POTEC: variants seen among roughly 807,000 people sequenced by gnomAD.
The protein encoded by POTEC is ANKRD26-like family B member 2.
Under a neutral mutation model 62.0 loss-of-function variants are expected in POTEC, and 35 were observed. That is an observed-to-expected ratio of 0.56 (90% CI 0.43 to 0.75). The LOEUF is 0.75. Ranked by LOEUF, POTEC falls within the 30% of genes least tolerant of loss-of-function variation. The probability of loss-of-function intolerance (pLI) is 0.00; values close to 1 mark genes in which losing one functional copy is unlikely to be tolerated. For synonymous variants in POTEC, 156 were observed against 221.5 expected, an observed-to-expected ratio of 0.70 and a Z score of 2.62; for missense variants, 472 against 655.9, an observed-to-expected ratio of 0.72 and a Z score of 3.06.
Position 14,513,684 on chromosome 18 carries a change from G to T in POTEC, c.1511C>A (p.Ala504Asp), listed in dbSNP as rs1338116512. The stretch of plus-strand genomic sequence containing the variant: ...TACCTCAGAATTCATTTTCTTTTCA[G>T]CCACTTCTATCTGCTTTTGTTTATT... Reference protein sequence around the residue: ...LTNKQKQIEVAEKKMNSELSL... With the variant: ...LTNKQKQIEVDEKKMNSELSL... Residue 504 changes from alanine (A) to aspartate (D), a missense_variant, in exon 10 of 11, where the codon GCT becomes GAT. Ala to Asp is a moderately radical substitution (Grantham distance 126, BLOSUM62 -2). This residue lies in a region of POTEC where 67 missense variants were observed against 58.3 expected (regional missense o/e 1.15). Transcript: ENST00000358970. 6.2e-7 allele frequency: 1 copy of T among 1,611,588 alleles called. No individual in the cohort carries two copies.
rs1909966124 is a variant in POTEC at position 14,510,243 on chromosome 18, C to T, written c.*1655G>A. On this transcript the variant is annotated 3_prime_UTR_variant, in exon 11 of 11. Coordinates refer to ENST00000358970, the MANE Select transcript of POTEC (RefSeq NM_001137671.2). ...TGGACTGACTTGTTCCTTGTGTCAA[C>T]TGCAGCTTGTTGGAGGTGTCAATAT... 2 of 152,218 alleles carry T rather than the reference C, an allele frequency of 1.3e-5. No homozygotes were observed. The highest frequency in any genetic ancestry group is 2.4e-5 in the African/African-American group (1 of 41,452). The allele number at this position is 152,218 out of a possible 1,614,324, so 9.4% of individuals were successfully genotyped here. A position where few individuals can be genotyped will look rare whatever the true frequency, so the allele number is the denominator to read the frequency against.
intron 9 of POTEC, among the ~76,000 whole-genome samples, 166 bp downstream of exon 9, chr18:14,522,088 G>GA (rs58895697): frequency 0.036 from 5,513 of 152,102 alleles, 354 homozygotes; most frequent in African/African-American, 0.13. Flanking sequence ...TTAATGACTG[G>GA]AAAAAACAGT....
Position 14,543,366 on chromosome 18 carries a change from G to A in POTEC, c.-220C>T. Reference sequence around the variant, plus strand: ...CCCACGCCCACCAGGGGGACCCAACGCCCACCCCAGGAAAGGCCAAGCCCC... The same window carrying A: ...CCCACGCCCACCAGGGGGACCCAACACCCACCCCAGGAAAGGCCAAGCCCC... On this transcript the variant is annotated 5_prime_UTR_variant, in exon 1 of 11. Coordinates refer to ENST00000358970, the MANE Select transcript of POTEC (RefSeq NM_001137671.2). 2.7e-6 allele frequency: 2 copies of A among 747,312 alleles called. No individual in the cohort carries two copies. The highest frequency in any genetic ancestry group is 3.0e-5 in the Admixed American group (1 of 33,894). 46.3% of individuals were successfully genotyped at this position (747,312 alleles called of 1,614,324 possible).
At chr18:14,536,481 C>A (rs2143160287) in intron 3 of POTEC, among the ~76,000 whole-genome samples, 1 of 152,050 alleles carries the variant, frequency 6.6e-6, no homozygotes, top group African/African-American at 2.4e-5. Context: ...AATCCTCCCA[C>A]CTCAGCCTCC....
rs1207667008 is a variant in POTEC, at chr18:14,508,656, T to G, written c.*3242A>C. On this transcript the variant is annotated 3_prime_UTR_variant, in exon 11 of 11. Transcript: ENST00000358970. The stretch of plus-strand genomic sequence containing the variant: ...TGATTTTTAGCTTCCTTGTATTGGA[T>G]TACAACATACTTCTTTCACTCAATG... 2 of 152,648 alleles carry G rather than the reference T, an allele frequency of 1.3e-5. No individual in the cohort carries two copies. The highest frequency in any genetic ancestry group is 2.9e-5 in the Non-Finnish European group (2 of 68,038). The allele number at this position is 152,648 out of a possible 1,614,324, so 9.5% of individuals were successfully genotyped here. A position where few individuals can be genotyped will look rare whatever the true frequency, so the allele number is the denominator to read the frequency against.
At position 14,507,622 on chromosome 18, in the gene POTEC, G is replaced by A. The variant is rs1264968878; in HGVS notation, c.*4276C>T. On this transcript the variant is annotated 3_prime_UTR_variant, in exon 11 of 11. Coordinates refer to ENST00000358970, the MANE Select transcript of POTEC (RefSeq NM_001137671.2). ...TGTGTGGATTTGATCCTGTCATCAT[G>A]CTGTCAGCTGGCTCTTTTGCAGACT... 2.0e-5 allele frequency: 3 copies of A among 152,108 alleles called. No homozygotes were observed. Among genetic ancestry groups the A allele is most frequent in the African/African-American group, 7.2e-5 (3 of 41,392 alleles). 9.4% of individuals were successfully genotyped at this position (152,108 alleles called of 1,614,324 possible). A position where few individuals can be genotyped will look rare whatever the true frequency, so the allele number is the denominator to read the frequency against.
At chr18:14,534,475 A>G (rs1905640050) in intron 4 of POTEC, among the ~76,000 whole-genome samples, 1 of 151,884 alleles carries the variant, frequency 6.6e-6, no homozygotes. Context: ...TTGAAAAGAT[A>G]AAAGGATTTT....
chr18:14,535,874 G>C (rs918250399), intron 3 of POTEC, among the ~76,000 whole-genome samples: 2 of 151,984 alleles, frequency 1.3e-5, no homozygotes, highest in Non-Finnish European at 2.9e-5. Context: ...AAGACCTTCT[G>C]AATGGCAGTG....
chr18:14,533,997 A>G (rs986996035), intron 4 of POTEC, among the ~76,000 whole-genome samples: 5 of 149,804 alleles, frequency 3.3e-5, no homozygotes, highest in African/African-American at 1.2e-4. Context: ...ATATGTATAC[A>G]TGTGCCATGC....
At chr18:14,527,892 T>TG (rs1334955792) in intron 6 of POTEC, 25 of 152,232 alleles carry the variant, frequency 1.6e-4, no homozygotes, top group African/African-American at 5.3e-4. Flanking sequence ...CAAGGGTGTG[T>TG]GACATGGAAA....
intron 4 of POTEC, among the ~76,000 whole-genome samples, chr18:14,533,530 C>T (rs1767112345): frequency 6.6e-6 from 1 of 152,114 alleles, no homozygotes; most frequent in African/African-American, 2.4e-5. Flanking sequence ...TTTGTCACAG[C>T]TTCCCTAGAC....
In POTEC at chr18:14,517,223, T is replaced by C. The variant is rs970383836; in HGVS notation, c.1410-3438A>G. Among the ~76,000 whole-genome samples, 12 of 152,092 alleles carry C rather than the reference T, an allele frequency of 7.9e-5. 1 individual carries two copies. The highest frequency in any genetic ancestry group is 6.5e-4 in the Admixed American group (10 of 15,270). Reference sequence around the variant, plus strand: ...GAACATAGTTAATTGAAGGCAACTTTTATACAGAAAATTTTCAGTTAAAGT... The same window carrying C: ...GAACATAGTTAATTGAAGGCAACTTCTATACAGAAAATTTTCAGTTAAAGT... On this transcript the variant is annotated intron_variant, in intron 9 of 10. Coordinates refer to ENST00000358970, the MANE Select transcript of POTEC (RefSeq NM_001137671.2).
intron 5 of POTEC, among the ~76,000 whole-genome samples, chr18:14,532,641 G>A (rs950214254): frequency 2.6e-5 from 4 of 152,038 alleles, no homozygotes; most frequent in Admixed American, 1.3e-4. Flanking sequence ...TGGATTTAGT[G>A]AACCCCTTTG....
chr18:14,516,031 G>GTGGA (rs1395817954), intron 9 of POTEC, among the ~76,000 whole-genome samples: 1 of 151,002 alleles, frequency 6.6e-6, no homozygotes, highest in Non-Finnish European at 1.5e-5. Flanking sequence ...AGATGTTGGT[G>GTGGA]TGGATGTGGT....
rs1910078374 is a variant in POTEC, at chr18:14,513,800, A to G, written c.1410-15T>C. The G allele has an allele frequency of 1.2e-6, 2 of 1,605,244 alleles. No homozygotes were observed. The highest frequency in any genetic ancestry group is 1.3e-5 in the African/African-American group (1 of 74,212). On this transcript the variant is annotated splice_polypyrimidine_tract_variant and intron_variant, in intron 9 of 10. Coordinates refer to ENST00000358970, the MANE Select transcript of POTEC (RefSeq NM_001137671.2). ...TTTGTTCGTCACTAGAAGAAATTTT[A>G]ATTTTCATGAAATACTGGAGGTGTC...
At chr18:14,531,410 G>A (rs141251039) in intron 5 of POTEC, among the ~76,000 whole-genome samples, 2,033 of 151,966 alleles carry the variant, frequency 0.013, 46 homozygotes, top group African/African-American at 0.046. Context: ...CAGCTGACAT[G>A]GGAGACCAAA....
At chr18:14,521,138 T>A (rs935890141) in intron 9 of POTEC, among the ~76,000 whole-genome samples, 10 of 152,298 alleles carry the variant, frequency 6.6e-5, no homozygotes, top group Admixed American at 1.3e-4. Context: ...TAGATCCCCA[T>A]GTACAATCCC....
At chr18:14,526,469 G>C (rs1434018730) in intron 6 of POTEC, among the ~76,000 whole-genome samples, 1 of 152,074 alleles carries the variant, frequency 6.6e-6, no homozygotes, top group African/African-American at 2.4e-5. Flanking sequence ...ATACATGCTA[G>C]GTGTTAGGGT....
rs1909935670 is a variant in POTEC at position 14,509,367 on chromosome 18, C to T, written c.*2531G>A. 6.6e-6 allele frequency: 1 copy of T among 152,042 alleles called. No homozygotes were observed. The highest frequency in any genetic ancestry group is 2.1e-4 in the South Asian group (1 of 4,818). 9.4% of individuals were successfully genotyped at this position (152,042 alleles called of 1,614,324 possible). On this transcript the variant is annotated 3_prime_UTR_variant, in exon 11 of 11. Coordinates refer to ENST00000358970, the MANE Select transcript of POTEC (RefSeq NM_001137671.2). ...TCCCTTTTCCTCTGCACAGCATTAC[C>T]TCAAGGGTGAGATGCTAGCAGGGGT...
Sources: allele counts gnomAD v4.1 joint callset (sites outside exome capture counted in the v4.1 genomes callset), GRCh38; gene constraint gnomAD v4.1.1; regional missense constraint gnomAD v4.1.1; transcripts MANE v1.5; gene names NCBI Gene and HGNC (gene_info 2026-07-23, HGNC 2026-07-21).